The following LDLRAD3 variants were observed in gnomAD, a reference collection of about 807,000 sequenced individuals.
The protein encoded by LDLRAD3 is low density lipoprotein receptor class A domain containing 3.
In LDLRAD3, 20 loss-of-function variants were observed where a neutral mutation model predicts 29.4. The ratio of observed to expected loss-of-function variants is 0.68; its 90% CI spans 0.48 to 0.99. LDLRAD3 has a LOEUF of 0.99. Ranked by LOEUF, LDLRAD3 falls within the 50% of genes least tolerant of loss-of-function variation. The probability of loss-of-function intolerance (pLI) is 0.00; values close to 1 mark genes in which losing one functional copy is unlikely to be tolerated. For synonymous variants in LDLRAD3, 157 were observed against 192.7 expected, an observed-to-expected ratio of 0.81 and a Z score of 1.53; for missense variants, 420 against 454.3, an observed-to-expected ratio of 0.92 and a Z score of 0.69.
chr11:36,007,754 C>T (rs1445728222), intron 1 of LDLRAD3, among the ~76,000 whole-genome samples: 4 of 152,246 alleles, frequency 2.6e-5, no homozygotes, highest in African/African-American at 9.6e-5. Flanking sequence ...TTTGCAGCCT[C>T]TGCAGACCAG....
At chr11:36,108,593 G>A (rs1853565222) in intron 4 of LDLRAD3, among the ~76,000 whole-genome samples, 1 of 152,058 alleles carries the variant, frequency 6.6e-6, no homozygotes, top group South Asian at 2.1e-4. Context: ...ACAAGATGCT[G>A]AAGTTGAAAC....
rs914644244 is a variant in LDLRAD3 at position 36,231,336 on chromosome 11, C to T, written c.*1939C>T. The T allele has an allele frequency of 3.6e-4, 55 of 151,934 alleles. No homozygotes were observed. Among genetic ancestry groups the T allele is most frequent in the African/African-American group, 1.3e-3 (52 of 41,380 alleles). The allele number at this position is 151,934 out of a possible 1,614,324, so 9.4% of individuals were successfully genotyped here. On this transcript the variant is annotated 3_prime_UTR_variant, in exon 6 of 6. Coordinates refer to ENST00000315571, the MANE Select transcript of LDLRAD3 (RefSeq NM_174902.4). ...GAAAGAAAGAAAAACGGAAAGGAAC[C>T]TAGCTGCCTGTATCTTTCATTTTTA...
At chr11:36,139,293 C>A (rs1315135401) in intron 4 of LDLRAD3, among the ~76,000 whole-genome samples, 1 of 152,222 alleles carries the variant, frequency 6.6e-6, no homozygotes, top group African/African-American at 2.4e-5. Context: ...AACTTAACAT[C>A]CTGCCTTCTC....
chr11:36,113,233 G>A (rs770469616), intron 4 of LDLRAD3, among the ~76,000 whole-genome samples: 3 of 152,068 alleles, frequency 2.0e-5, no homozygotes, highest in East Asian at 1.9e-4. Context: ...AGATCCCATC[G>A]TGAAGTGGCT....
intron 4 of LDLRAD3, among the ~76,000 whole-genome samples, chr11:36,191,576 C>CTCTCTCTCTCTCTATATATATA (rs377747518): frequency 1.9e-5 from 1 of 53,430 alleles, no homozygotes; most frequent in African/African-American, 8.3e-5. Flanking sequence ...CTCTCTCTCT[C>CTCTCTCTCTCTCTATATATATA]TATATATATA....
chr11:36,172,504 T>C (rs776601032), intron 4 of LDLRAD3, among the ~76,000 whole-genome samples: 27 of 152,174 alleles, frequency 1.8e-4, no homozygotes, highest in Non-Finnish European at 3.1e-4. Context: ...GTCCCTTCTA[T>C]GCCGATTTTG....
At chr11:36,201,472 A>G (rs1368490111) in intron 4 of LDLRAD3, among the ~76,000 whole-genome samples, 4 of 152,140 alleles carry the variant, frequency 2.6e-5, no homozygotes, top group African/African-American at 7.2e-5. Context: ...GGTTTTTTGT[A>G]TCTTTTAAAT....
chr11:36,116,036 C>G (rs1853669311), intron 4 of LDLRAD3, among the ~76,000 whole-genome samples: 1 of 152,170 alleles, frequency 6.6e-6, no homozygotes, highest in African/African-American at 2.4e-5. Flanking sequence ...GAGCAAGTTA[C>G]TTAACCACTC....
intron 1 of LDLRAD3, among the ~76,000 whole-genome samples, chr11:35,948,448 G>A (rs966153241): frequency 6.6e-5 from 10 of 151,752 alleles, no homozygotes; most frequent in Non-Finnish European, 1.5e-4. Flanking sequence ...GTGTGTGTGT[G>A]TGTGTGTGTG....
intron 4 of LDLRAD3, among the ~76,000 whole-genome samples, chr11:36,219,135 T>C (rs1057101521): frequency 5.9e-5 from 9 of 152,384 alleles, no homozygotes; most frequent in African/African-American, 2.2e-4. Flanking sequence ...ATGACAGCTT[T>C]TATCTACTTG....
chr11:36,080,613 T>C (rs1853098848), intron 2 of LDLRAD3, among the ~76,000 whole-genome samples: 1 of 152,170 alleles, frequency 6.6e-6, no homozygotes, highest in Non-Finnish European at 1.5e-5. Flanking sequence ...ACCATACTCA[T>C]TTGTTTGGGG....
intron 1 of LDLRAD3, among the ~76,000 whole-genome samples, chr11:35,970,561 G>A (rs991365714): frequency 1.1e-4 from 16 of 152,290 alleles, no homozygotes; most frequent in Middle Eastern, 3.4e-3. Context: ...CACTCAGTTC[G>A]TGGCAATTAA....
chr11:36,136,997 T>A (rs1235189736), intron 4 of LDLRAD3, among the ~76,000 whole-genome samples: 1 of 152,046 alleles, frequency 6.6e-6, no homozygotes, highest in African/African-American at 2.4e-5. Context: ...AGCCTAAACC[T>A]CTTGTTTATA....
rs747754076 is a variant in LDLRAD3, at chr11:36,036,188, G to A, written c.132G>A (p.Pro44=). Residue 44 remains proline (P), a synonymous_variant, in exon 2 of 6, where the codon CCG becomes CCA. Transcript: ENST00000315571. The part of the protein sequence containing the change: ...NFMCSNGRCI[P]GAWQCDGLPD... ...TGTGCAGCAATGGACGGTGCATCCC[G>A]GGCGCCTGGCAGTGTGACGGGCTGC... 1.7e-5 allele frequency: 28 copies of A among 1,614,012 alleles called. No homozygotes were observed. Among genetic ancestry groups the A allele is most frequent in the Middle Eastern group, 1.6e-4 (1 of 6,084 alleles).
intron 2 of LDLRAD3, among the ~76,000 whole-genome samples, chr11:36,048,186 AGTTCTGTTTCAGAAATACTGTGGAT>A (rs1311983536): frequency 2.0e-5 from 3 of 152,202 alleles, no homozygotes; most frequent in African/African-American, 7.2e-5. Context: ...AACAGGTGAC[AGTTCTGTTTCAGAAATACTGTGGAT>A]GTTCAGGTTT....
chr11:36,105,003 T>A (rs1438299787), intron 4 of LDLRAD3, among the ~76,000 whole-genome samples: 1 of 152,152 alleles, frequency 6.6e-6, no homozygotes, highest in Non-Finnish European at 1.5e-5. Flanking sequence ...CCTTCCCTCC[T>A]CCTGAGGAAT....
intron 1 of LDLRAD3, among the ~76,000 whole-genome samples, chr11:35,963,578 A>G (rs1481794392): frequency 6.6e-6 from 1 of 152,112 alleles, no homozygotes; most frequent in Non-Finnish European, 1.5e-5. Flanking sequence ...CATCTCAGCC[A>G]TTGGCTTTCT....
chr11:36,033,086 T>C (rs919584717), intron 1 of LDLRAD3, among the ~76,000 whole-genome samples: 2 of 152,120 alleles, frequency 1.3e-5, no homozygotes, highest in African/African-American at 4.8e-5. Flanking sequence ...GTTGGTAGGC[T>C]GGTCTCAAAC....
chr11:36,020,352 G>A (rs1029660635), intron 1 of LDLRAD3, among the ~76,000 whole-genome samples: 7 of 152,276 alleles, frequency 4.6e-5, no homozygotes, highest in African/African-American at 7.2e-5. Flanking sequence ...TTATCTGAGC[G>A]TGAAGAGACA....
Sources: allele counts gnomAD v4.1 joint callset (sites outside exome capture counted in the v4.1 genomes callset), GRCh38; gene constraint gnomAD v4.1.1; transcripts MANE v1.5; gene names NCBI Gene and HGNC (gene_info 2026-07-23, HGNC 2026-07-21).